Variants in KLHL15 observed in about 807,000 individuals in gnomAD.
The protein encoded by KLHL15 is kelch-like protein 15.
A neutral mutation model predicts 29.3 loss-of-function variants in KLHL15; 1 was observed. The observed-to-expected ratio is 0.03, with a 90% confidence interval of 0.01 to 0.16. KLHL15 has a LOEUF of 0.16. Ranked by LOEUF, KLHL15 falls within the 10% of genes least tolerant of loss-of-function variation. The pLI is 1.00. For missense variants in KLHL15, 215 were observed against 478.5 expected (o/e 0.45, Z 5.14); for synonymous variants, 212 against 184.5 (o/e 1.15, Z -1.21).
At chrX:24,025,522 G>A (rs1394541887) in intron 1 of KLHL15, among the ~76,000 whole-genome samples, 2 of 107,340 alleles carry the variant, frequency 1.9e-5, no homozygotes, top group African/African-American at 6.7e-5. Flanking sequence ...TGGGAGAGAG[G>A]GCGGAGGGTG....
intron 2 of KLHL15, among the ~76,000 whole-genome samples, chrX:24,024,552 A>G (rs1929880417): frequency 8.9e-6 from 1 of 112,099 alleles, no homozygotes; most frequent in Non-Finnish European, 1.9e-5. Context: ...GCATAGTTCT[A>G]TTTCAGGCAT....
intron 3 of KLHL15, among the ~76,000 whole-genome samples, chrX:23,991,622 A>G (rs1386105143): frequency 9.0e-6 from 1 of 111,623 alleles, no homozygotes; most frequent in Non-Finnish European, 1.9e-5. Flanking sequence ...CAGGCGGATC[A>G]CAAGGTCAGG....
At chrX:24,015,413 T>C (rs1037927561) in intron 2 of KLHL15, among the ~76,000 whole-genome samples, 4 of 112,756 alleles carry the variant, frequency 3.5e-5, no homozygotes, top group Non-Finnish European at 7.5e-5. Context: ...TCATCTGCGA[T>C]AGCCGAGACA....
At chrX:24,022,817 T>C (rs957963922) in intron 2 of KLHL15, among the ~76,000 whole-genome samples, 6 of 107,172 alleles carry the variant, frequency 5.6e-5, no homozygotes, top group African/African-American at 2.0e-4. Context: ...CCTACCGGGT[T>C]CAAGCGATTC....
At chrX:23,995,397 ACT>A (rs1292673424) in intron 3 of KLHL15, among the ~76,000 whole-genome samples, 1 of 79,115 alleles carries the variant, frequency 1.3e-5, no homozygotes, top group African/African-American at 5.4e-5. Context: ...ACAGAGCGAG[ACT>A]CTGTCTCAAA....
At chrX:24,025,095 C>T (rs1332340956) in intron 1 of KLHL15, 37 bp from the exon 2 acceptor site, 6 of 295,482 alleles carry the variant, frequency 2.0e-5, no homozygotes, top group Non-Finnish European at 3.5e-5. Flanking sequence ...AGAAACCAGA[C>T]AGTCGGGCTC....
intron 3 of KLHL15, among the ~76,000 whole-genome samples, chrX:23,989,474 C>T (rs1929041188): frequency 9.0e-6 from 1 of 111,585 alleles, no homozygotes; most frequent in South Asian, 3.7e-4. Flanking sequence ...TGCACTGGGC[C>T]TCCTATGTTT....
In KLHL15 at chrX:23,989,100, C is replaced by A; in HGVS notation, c.706-70G>T. 3 of 883,715 alleles carry A rather than the reference C, an allele frequency of 3.4e-6. No homozygotes were observed. The South Asian group carries it at 7.5e-5, about 22-fold the overall frequency. The allele number at this position is 883,715 out of a possible 1,213,427, so 72.8% of individuals were successfully genotyped here. A position where few individuals can be genotyped will look rare whatever the true frequency, so the allele number is the denominator to read the frequency against. ...GCTGCAAACAAATTATCAAAGCTGA[C>A]TAATACGATCATCTTAGGCTCACTT... On this transcript the variant is annotated intron_variant, in intron 3 of 3. Transcript: ENST00000328046.
chrX:24,012,256 T>C (rs770451396), intron 2 of KLHL15, among the ~76,000 whole-genome samples: 1 of 112,912 alleles, frequency 8.9e-6, no homozygotes, highest in East Asian at 2.8e-4. Context: ...AATGAAAGTG[T>C]ATTACTGCTT....
At chrX:24,016,795 T>C (rs1381864768) in intron 2 of KLHL15, among the ~76,000 whole-genome samples, 2 of 111,575 alleles carry the variant, frequency 1.8e-5, no homozygotes, top group East Asian at 5.6e-4. Flanking sequence ...ACATTAAGGC[T>C]TATTATCATG....
At chrX:24,019,351 G>A (rs192224519) in intron 2 of KLHL15, among the ~76,000 whole-genome samples, 1,114 of 111,275 alleles carry the variant, frequency 0.01, 19 homozygotes, top group African/African-American at 0.034. Flanking sequence ...CTGCTCCGGG[G>A]TTCAAGCGAT....
rs1346941578 is a variant in KLHL15, at chrX:23,986,765, T to C, written c.*1156A>G. ...CTATTTCTTACCTCTAAGTCAAAACTGAGGTCAAATTTTCTAAGAGTTTCT... is the reference window on the plus strand; with the variant it reads ...CTATTTCTTACCTCTAAGTCAAAACCGAGGTCAAATTTTCTAAGAGTTTCT... On this transcript the variant is annotated 3_prime_UTR_variant, in exon 4 of 4. Transcript: ENST00000328046. The C allele has an allele frequency of 8.9e-6, 1 of 112,000 alleles. No individual in the cohort carries two copies. The highest frequency in any genetic ancestry group is 3.2e-5 in the African/African-American group (1 of 30,859). 9.2% of individuals were successfully genotyped at this position (112,000 alleles called of 1,213,427 possible). A position where few individuals can be genotyped will look rare whatever the true frequency, so the allele number is the denominator to read the frequency against.
chrX:23,996,565 A>T (rs1183722654), intron 3 of KLHL15, among the ~76,000 whole-genome samples: 1 of 111,336 alleles, frequency 9.0e-6, no homozygotes, highest in Middle Eastern at 4.2e-3. Context: ...CAGGAGGCTG[A>T]GGTAGGAGAA....
intron 2 of KLHL15, among the ~76,000 whole-genome samples, chrX:24,014,095 T>TA (rs11340896): frequency 1.3e-3 from 119 of 88,992 alleles, no homozygotes; most frequent in South Asian, 2.6e-3. Flanking sequence ...CTAACAAAAT[T>TA]AAAAAAAAAA....
At chrX:23,989,276 C>T (rs956405597) in intron 3 of KLHL15, among the ~76,000 whole-genome samples, 10 of 109,046 alleles carry the variant, frequency 9.2e-5, no homozygotes, top group African/African-American at 3.0e-4. Context: ...CCGCAAGCTC[C>T]GCCTCCCAGG....
chrX:24,012,017 C>T (rs1400472203), intron 2 of KLHL15, among the ~76,000 whole-genome samples: 5 of 110,367 alleles, frequency 4.5e-5, no homozygotes, highest in African/African-American at 6.6e-5. Context: ...GGTGTGATGG[C>T]GGGTACCTGT....
At chrX:23,999,028 T>A (rs1312926576) in intron 3 of KLHL15, among the ~76,000 whole-genome samples, 6 of 110,945 alleles carry the variant, frequency 5.4e-5, no homozygotes, top group Non-Finnish European at 9.5e-5. Context: ...TGCCTCAGCC[T>A]CCCGTGTAGC....
At chrX:24,007,508 A>AAATATATAT (rs1307669839) in intron 2 of KLHL15, among the ~76,000 whole-genome samples, 1 of 35,938 alleles carries the variant, frequency 2.8e-5, no homozygotes, top group African/African-American at 1.5e-4. Flanking sequence ...AAAAAAAAAA[A>AAATATATAT]ATATATATAT....
intron 1 of KLHL15, among the ~76,000 whole-genome samples, chrX:24,026,152 C>T (rs1196002331): frequency 2.7e-5 from 3 of 111,863 alleles, no homozygotes; most frequent in Non-Finnish European, 5.6e-5. Context: ...TGGACTATTG[C>T]GTCACTGTCC....
Sources: allele counts gnomAD v4.1 joint callset (sites outside exome capture counted in the v4.1 genomes callset), GRCh38; gene constraint gnomAD v4.1.1; transcripts MANE v1.5; gene names NCBI Gene and HGNC (gene_info 2026-07-23, HGNC 2026-07-21).